RUNX2: variants seen among roughly 807,000 people sequenced by gnomAD.
RUNX2 encodes the protein runt-related transcription factor 2.
In RUNX2, 10 loss-of-function variants were observed where a neutral mutation model predicts 51.7. The observed-to-expected ratio is 0.19, with a 90% CI of 0.12 to 0.33. The LOEUF is 0.33. Ranked by LOEUF, RUNX2 falls within the 10% of genes least tolerant of loss-of-function variation. The pLI is 1.00. For synonymous variants in RUNX2, 276 were observed against 273.6 expected, an observed-to-expected ratio of 1.01 and a Z score of -0.09; for missense variants, 562 against 691.3, an observed-to-expected ratio of 0.81 and a Z score of 2.10.
intron 7 of RUNX2, among the ~76,000 whole-genome samples, chr6:45,529,855 C>G (rs911878883): frequency 1.3e-5 from 2 of 152,194 alleles, no homozygotes; most frequent in Non-Finnish European, 2.9e-5. Context: ...ATGAATTCCC[C>G]TCCTCTTCAG....
At chr6:45,532,642 C>G (rs1801897897) in intron 7 of RUNX2, among the ~76,000 whole-genome samples, 1 of 152,184 alleles carries the variant, frequency 6.6e-6, no homozygotes, top group African/African-American at 2.4e-5. Context: ...TGCACCTTTC[C>G]TCTTTTCACC....
intron 7 of RUNX2, among the ~76,000 whole-genome samples, chr6:45,524,801 A>G (rs919195822): frequency 1.3e-5 from 2 of 152,200 alleles, no homozygotes; most frequent in African/African-American, 4.8e-5. Flanking sequence ...AAAACAGTAC[A>G]TTCTCAGTGT....
intron 6 of RUNX2, among the ~76,000 whole-genome samples, chr6:45,493,633 T>C (rs1469950520): frequency 6.6e-6 from 1 of 151,918 alleles, no homozygotes; most frequent in Non-Finnish European, 1.5e-5. Flanking sequence ...TCCATACTTA[T>C]ACCCCCTAAA....
intron 5 of RUNX2, among the ~76,000 whole-genome samples, chr6:45,452,062 T>C (rs191460438): frequency 2.6e-5 from 4 of 152,348 alleles, no homozygotes; most frequent in African/African-American, 9.6e-5. Flanking sequence ...GCATTATTAA[T>C]TTTGGACTGA....
intron 7 of RUNX2, among the ~76,000 whole-genome samples, chr6:45,537,030 T>C (rs1802059483): frequency 1.3e-5 from 2 of 152,182 alleles, no homozygotes; most frequent in Admixed American, 1.3e-4. Flanking sequence ...ATAGTGCGGG[T>C]AAGGAGGAAT....
At chr6:45,511,352 A>T (rs1801140054) in intron 6 of RUNX2, among the ~76,000 whole-genome samples, 1 of 152,320 alleles carries the variant, frequency 6.6e-6, no homozygotes, top group Admixed American at 6.5e-5. Flanking sequence ...GACTGTAGGT[A>T]ACACTAGGCC....
chr6:45,476,695 A>G (rs1799964965), intron 5 of RUNX2, among the ~76,000 whole-genome samples: 2 of 152,236 alleles, frequency 1.3e-5, no homozygotes, highest in Non-Finnish European at 2.9e-5. Context: ...TTAAGAAATA[A>G]AAGTTTATAC....
chr6:45,497,508 C>A lies in RUNX2; in HGVS notation c.859+5394C>A, dbSNP rs535649853. Among the ~76,000 whole-genome samples the A allele has an allele frequency of 3.9e-5, 6 of 152,162 alleles. No homozygotes were observed. The East Asian group carries it at 1.2e-3, about 29-fold the overall frequency. On this transcript the variant is annotated intron_variant, in intron 6 of 8. Coordinates refer to ENST00000647337, the MANE Select transcript of RUNX2 (RefSeq NM_001024630.4). Reference sequence around the variant, plus strand: ...AATTAATATGTTATTGTATTTCATGCTTTTTTCTCTGCCTAGACACTCTTC... The same window carrying A: ...AATTAATATGTTATTGTATTTCATGATTTTTTCTCTGCCTAGACACTCTTC...
At chr6:45,541,063 A>T (rs1802209686) in intron 7 of RUNX2, among the ~76,000 whole-genome samples, 1 of 152,186 alleles carries the variant, frequency 6.6e-6, no homozygotes, top group African/African-American at 2.4e-5. Flanking sequence ...AATGCTTTTC[A>T]TATCTTTTCC....
intron 2 of RUNX2, among the ~76,000 whole-genome samples, chr6:45,348,073 C>T (rs1298797920): frequency 6.6e-6 from 1 of 151,992 alleles, no homozygotes; most frequent in African/African-American, 2.4e-5. Flanking sequence ...CTCTAAATGG[C>T]CTGCTTATGT....
chr6:45,423,870 C>G (rs1798308607), intron 3 of RUNX2, among the ~76,000 whole-genome samples: 1 of 152,184 alleles, frequency 6.6e-6, no homozygotes, highest in African/African-American at 2.4e-5. Context: ...GAGCTCGGGC[C>G]GCTTCTTCCA....
At chr6:45,359,172 TATTTTATGTAGCCACATTTATA>T (rs1162661235) in intron 2 of RUNX2, among the ~76,000 whole-genome samples, 2 of 152,196 alleles carry the variant, frequency 1.3e-5, no homozygotes, top group East Asian at 3.8e-4. Flanking sequence ...AAAAATCAAT[TATTTTATGTAGCCACATTTATA>T]AAATAACATT....
chr6:45,390,110 A>G (rs919096736), intron 2 of RUNX2, among the ~76,000 whole-genome samples: 1 of 152,214 alleles, frequency 6.6e-6, no homozygotes. Flanking sequence ...AATTCAAATT[A>G]TGTAGATAAC....
chr6:45,453,850 G>A (rs1799245911), intron 5 of RUNX2, among the ~76,000 whole-genome samples: 1 of 152,226 alleles, frequency 6.6e-6, no homozygotes, highest in Admixed American at 6.5e-5. Context: ...ATTTGCTGGG[G>A]CCAGGGATCC....
chr6:45,416,058 G>A (rs1049059113), intron 2 of RUNX2, among the ~76,000 whole-genome samples: 1 of 152,194 alleles, frequency 6.6e-6, no homozygotes, highest in Non-Finnish European at 1.5e-5. Flanking sequence ...TCTGAGAAAA[G>A]TCTAGTTTAG....
At chr6:45,444,751 G>T (rs1798943451) in intron 5 of RUNX2, among the ~76,000 whole-genome samples, 1 of 152,096 alleles carries the variant, frequency 6.6e-6, no homozygotes, top group African/African-American at 2.4e-5. Flanking sequence ...TAACAAACTT[G>T]AGTGAACAGA....
intron 5 of RUNX2, among the ~76,000 whole-genome samples, chr6:45,449,926 C>A (rs2819852): frequency 0.73 from 111,670 of 152,110 alleles, 41,892 homozygotes; most frequent in East Asian, 0.96. Flanking sequence ...CTAATAATAA[C>A]AAAGAAGAAG....
intron 4 of RUNX2, among the ~76,000 whole-genome samples, chr6:45,434,857 G>T (rs1415936621): frequency 6.6e-6 from 1 of 152,042 alleles, no homozygotes; most frequent in Non-Finnish European, 1.5e-5. Context: ...GGGGATTTTT[G>T]AGAAAAAATT....
chr6:45,394,093 A>G (rs1053657934), intron 2 of RUNX2, among the ~76,000 whole-genome samples: 3 of 151,784 alleles, frequency 2.0e-5, no homozygotes, highest in Non-Finnish European at 4.4e-5. Flanking sequence ...TTGTATTTTT[A>G]GTAGAGACGG....
Sources: gnomAD v4.1 joint callset for allele counts (sites outside exome capture counted in the v4.1 genomes callset) on GRCh38, gnomAD v4.1.1 for gene constraint, MANE v1.5 for transcripts, NCBI Gene and HGNC (gene_info 2026-07-23, HGNC 2026-07-21) for gene names.